Variants in ZPBP observed in about 807,000 individuals in gnomAD.
ZPBP encodes zona pellucida-binding protein 1.
Under a neutral mutation model 44.8 loss-of-function variants are expected in ZPBP, and 26 were observed. The ratio of observed to expected loss-of-function variants is 0.58; its 90% CI spans 0.43 to 0.81. The LOEUF is 0.81. ZPBP is among the 30% of genes least tolerant of loss of function. The probability of loss-of-function intolerance (pLI) is 0.00; values close to 1 mark genes in which losing one functional copy is unlikely to be tolerated. For synonymous variants in ZPBP, 174 were observed against 153.2 expected, an observed-to-expected ratio of 1.14 and a Z score of -1.00; for missense variants, 409 against 434.0, an observed-to-expected ratio of 0.94 and a Z score of 0.51.
chr7:49,948,492 A>AT (rs200287375), intron 7 of ZPBP, among the ~76,000 whole-genome samples: 50 of 151,006 alleles, frequency 3.3e-4, no homozygotes, highest in African/African-American at 4.4e-4. Context: ...AGTGGTTAAC[A>AT]TTTTTTTTTT....
chr7:49,850,168 C>G (rs1196499534), downstream of ZPBP, among the ~76,000 whole-genome samples: 1 of 152,228 alleles, frequency 6.6e-6, no homozygotes, highest in South Asian at 2.1e-4. Flanking sequence ...TTCAGGAAGA[C>G]TGAGCATAGT....
intron 2 of ZPBP, among the ~76,000 whole-genome samples, chr7:49,858,141 C>A (rs111931801): frequency 0.014 from 2,092 of 152,332 alleles, 57 homozygotes; most frequent in African/African-American, 0.048. Context: ...TATTTCTCCA[C>A]ATCCTCTCCA....
chr7:49,964,226 T>C (rs1316812533), intron 7 of ZPBP, among the ~76,000 whole-genome samples: 2 of 151,936 alleles, frequency 1.3e-5, no homozygotes, highest in Non-Finnish European at 2.9e-5. Flanking sequence ...CTTTCTAAAA[T>C]TGAGGAAAAT....
chr7:49,852,958 C>T (rs1444796171), intron 2 of ZPBP, among the ~76,000 whole-genome samples: 1 of 152,178 alleles, frequency 6.6e-6, no homozygotes, highest in Admixed American at 6.5e-5. Context: ...CCAAACAAAT[C>T]CAGTCCTTTA....
At chr7:50,030,217 G>C (rs1331920075) in intron 5 of ZPBP, among the ~76,000 whole-genome samples, 1 of 151,952 alleles carries the variant, frequency 6.6e-6, no homozygotes, top group Non-Finnish European at 1.5e-5. Flanking sequence ...ATGTATTTCT[G>C]GTGAAGAGGA....
At chr7:49,964,939 T>C (rs1796000783) in intron 7 of ZPBP, among the ~76,000 whole-genome samples, 1 of 152,054 alleles carries the variant, frequency 6.6e-6, no homozygotes, top group Non-Finnish European at 1.5e-5. Context: ...TTGTCTGCCA[T>C]ACTATAAGAT....
intron 1 of ZPBP, chr7:49,912,307 G>T: frequency 9.5e-7 from 1 of 1,053,318 alleles, no homozygotes; most frequent in Non-Finnish European, 1.3e-6. Context: ...GAAAATTGTT[G>T]GTACTTTTCC....
downstream of ZPBP, among the ~76,000 whole-genome samples, chr7:49,932,809 T>C (rs1010575971): frequency 7.9e-5 from 12 of 152,108 alleles, no homozygotes; most frequent in African/African-American, 2.7e-4. Flanking sequence ...GTGGGGATAA[T>C]TGAATCATGG....
rs556703115 is a variant in ZPBP, at chr7:49,998,923, G to A, written c.784-15404C>T. ...GCACACACACAAACACACACACACA[G>A]GTTGAGCATCTCTAATTTGAAAATT... On this transcript the variant is annotated intron_variant, in intron 6 of 7. Coordinates refer to ENST00000046087, the MANE Select transcript of ZPBP (RefSeq NM_007009.3). 2.3e-4 allele frequency among the ~76,000 whole-genome samples: 35 copies of A among 152,042 alleles called. No individual in the cohort carries two copies. In the South Asian group the frequency reaches 7.3e-3, roughly 32 times the overall value.
chr7:49,922,360 C>T (rs572870116), intron 1 of ZPBP, among the ~76,000 whole-genome samples: 1 of 152,210 alleles, frequency 6.6e-6, no homozygotes, highest in East Asian at 1.9e-4. Flanking sequence ...TCTGCGCTGG[C>T]TTGGAGAAAG....
At chr7:49,890,308 A>C (rs1354725950) in intron 2 of ZPBP, among the ~76,000 whole-genome samples, 1 of 152,260 alleles carries the variant, frequency 6.6e-6, no homozygotes, top group Non-Finnish European at 1.5e-5. Flanking sequence ...TCAGGGACAC[A>C]TGCAAAATTG....
At chr7:50,007,746 C>T (rs1225581076) in intron 6 of ZPBP, among the ~76,000 whole-genome samples, 1 of 151,838 alleles carries the variant, frequency 6.6e-6, no homozygotes, top group African/African-American at 2.4e-5. Context: ...CAGTGTAATA[C>T]ATCACAAGAG....
intron 2 of ZPBP, among the ~76,000 whole-genome samples, chr7:49,877,481 A>AAAATATACATATATAT: frequency 5.5e-4 from 7 of 12,728 alleles, no homozygotes; most frequent in African/African-American, 1.9e-3. Flanking sequence ...AAAAAAAAAA[A>AAAATATACATATATAT]ATATATATAT....
At position 49,903,561 on chromosome 7, in the gene ZPBP, T is replaced by C. The variant is rs554881062; in HGVS notation, n.412-2346A>G. Among the ~76,000 whole-genome samples, 10 of 152,290 alleles carry C rather than the reference T, an allele frequency of 6.6e-5. No individual in the cohort carries two copies. In the East Asian group the frequency reaches 1.9e-3, roughly 29 times the overall value. On this transcript the variant is annotated intron_variant and non_coding_transcript_variant, in intron 1 of 2. Transcript: ENST00000465922. ...AATAAAACAATAGATATGGAGAATA[T>C]TATCAGCCCTGAGGGGTTAAAGATG...
At chr7:49,897,104 C>T (rs1792425631) in intron 2 of ZPBP, among the ~76,000 whole-genome samples, 1 of 151,800 alleles carries the variant, frequency 6.6e-6, no homozygotes, top group Admixed American at 6.6e-5. Context: ...ACCTTGTTAG[C>T]CAGGATGGTC....
At chr7:49,897,553 T>C (rs1792451871) in intron 2 of ZPBP, among the ~76,000 whole-genome samples, 1 of 152,174 alleles carries the variant, frequency 6.6e-6, no homozygotes, top group Admixed American at 6.5e-5. Context: ...AACTCTATCC[T>C]AAAAACAGGT....
intron 6 of ZPBP, among the ~76,000 whole-genome samples, chr7:49,988,418 AC>A (rs1361870407): frequency 6.6e-6 from 1 of 152,200 alleles, no homozygotes. Flanking sequence ...ATGTTTAGGT[AC>A]ATGGGATTGC....
intron 6 of ZPBP, among the ~76,000 whole-genome samples, chr7:49,992,335 A>G (rs990664506): frequency 6.6e-6 from 1 of 152,184 alleles, no homozygotes; most frequent in African/African-American, 2.4e-5. Context: ...TTTTAAAAGT[A>G]TATTTAAAAT....
chr7:50,012,178 G>GA (rs1798618464), intron 6 of ZPBP, among the ~76,000 whole-genome samples: 1 of 152,012 alleles, frequency 6.6e-6, no homozygotes, highest in East Asian at 1.9e-4. Flanking sequence ...TTTCATGCCA[G>GA]AAAAATTTGA....
Sources: gnomAD v4.1 joint callset for allele counts (sites outside exome capture counted in the v4.1 genomes callset) on GRCh38, gnomAD v4.1.1 for gene constraint, MANE v1.5 for transcripts, NCBI Gene and HGNC (gene_info 2026-07-23, HGNC 2026-07-21) for gene names.